The following ASB5 variants were observed in gnomAD, a reference collection of about 807,000 sequenced individuals.
ASB5 encodes ankyrin repeat and SOCS box protein 5.
A neutral mutation model predicts 42.1 loss-of-function variants in ASB5; 45 were observed. The ratio of observed to expected loss-of-function variants is 1.07; its 90% CI spans 0.84 to 1.37. The LOEUF (loss-of-function observed/expected upper bound fraction) is 1.37. Among genes scored for constraint, ASB5 ranks in the 40% most tolerant of loss-of-function variants. The pLI is 0.00. For missense variants in ASB5, 402 were observed against 399.8 expected, an observed-to-expected ratio of 1.01 and a Z score of -0.05; for synonymous variants, 147 against 150.6, an observed-to-expected ratio of 0.98 and a Z score of 0.18.
chr4:176,223,352 CATT>C (rs1262239606), intron 2 of ASB5, among the ~76,000 whole-genome samples: 2 of 152,146 alleles, frequency 1.3e-5, no homozygotes, highest in African/African-American at 4.8e-5. Flanking sequence ...AAGCAATTAT[CATT>C]ATAATGCCCA....
Position 176,241,563 on chromosome 4 carries a change from C to T in ASB5, c.197-16222G>A, listed in dbSNP as rs189539008. On this transcript the variant is annotated intron_variant, in intron 1 of 6. Transcript: ENST00000296525. ...CTTTGGGTTTCTTTACAAGGCCGTGCCCTCATACAACCTTTAGGAGTCATA... is the reference window on the plus strand; with the variant it reads ...CTTTGGGTTTCTTTACAAGGCCGTGTCCTCATACAACCTTTAGGAGTCATA... 463 of 1,517,036 alleles carry T rather than the reference C, an allele frequency of 3.1e-4. 1 individual carries two copies. The Middle Eastern group carries it at 3.7e-3, about 12-fold the overall frequency. 94.0% of individuals were successfully genotyped at this position (1,517,036 alleles called of 1,614,324 possible).
intron 1 of ASB5, among the ~76,000 whole-genome samples, 173 bp from the exon 2 acceptor site, chr4:176,225,514 C>A (rs1753352143): frequency 6.6e-6 from 1 of 152,142 alleles, no homozygotes; most frequent in South Asian, 2.1e-4. Context: ...TTGCAGGAAC[C>A]AGATAGGCAG....
At chr4:176,255,735 G>A (rs769535947) in intron 1 of ASB5, among the ~76,000 whole-genome samples, 3 of 152,166 alleles carry the variant, frequency 2.0e-5, no homozygotes, top group African/African-American at 4.8e-5. Context: ...GTGGGTACGG[G>A]TTGAAAAACT....
At chr4:176,217,125 C>G (rs1752993514) in intron 5 of ASB5, 116 bp from the exon 6 acceptor site, 1 of 795,634 alleles carries the variant, frequency 1.3e-6, no homozygotes, top group Non-Finnish European at 2.0e-6. Flanking sequence ...GGGACTTCAA[C>G]TCTATTTGTT....
chr4:176,255,716 G>A lies in ASB5; in HGVS notation c.196+13197C>T, dbSNP rs115998365. ...GACACAGGGGACTACTAGAGAGGGA[G>A]GCAGAGATGTGGGTACGGGTTGAAA... On this transcript the variant is annotated intron_variant, in intron 1 of 6. Coordinates refer to ENST00000296525, the MANE Select transcript of ASB5 (RefSeq NM_080874.4). Among the ~76,000 whole-genome samples, 596 of 152,284 alleles carry A rather than the reference G, an allele frequency of 3.9e-3. 6 individuals are homozygous for A. Among genetic ancestry groups the A allele is most frequent in the African/African-American group, 0.014 (573 of 41,554 alleles).
intron 1 of ASB5, among the ~76,000 whole-genome samples, chr4:176,226,859 G>C (rs1002869959): frequency 2.6e-5 from 4 of 152,208 alleles, no homozygotes; most frequent in Non-Finnish European, 5.9e-5. Flanking sequence ...TTGCCATGGA[G>C]GGCAAGTAGC....
At chr4:176,265,194 T>C (rs909780507) in intron 1 of ASB5, among the ~76,000 whole-genome samples, 2 of 152,110 alleles carry the variant, frequency 1.3e-5, no homozygotes, top group East Asian at 3.9e-4. Context: ...GCCCAACTTA[T>C]TGTTACTTTT....
chr4:176,256,190 G>A (rs1463390048), intron 1 of ASB5, among the ~76,000 whole-genome samples: 2 of 152,146 alleles, frequency 1.3e-5, no homozygotes, highest in African/African-American at 4.8e-5. Context: ...TCTGACTTGA[G>A]GCTGAGATTC....
chr4:176,221,624 A>AAC, intron 3 of ASB5, 24 bp from the exon 4 acceptor site: 1 of 1,569,210 alleles, frequency 6.4e-7, no homozygotes, highest in Non-Finnish European at 8.7e-7. Context: ...AAATATCCAA[A>AAC]CATAAGATTC....
chr4:176,255,465 G>A (rs1047598168), intron 1 of ASB5, among the ~76,000 whole-genome samples: 3 of 152,158 alleles, frequency 2.0e-5, no homozygotes, highest in African/African-American at 7.2e-5. Flanking sequence ...CAACCTAGAT[G>A]CTCATCAACA....
Position 176,225,204 on chromosome 4 carries a change from G to T in ASB5, c.276+58C>A. 5 of 1,393,166 alleles carry T rather than the reference G, an allele frequency of 3.6e-6. No individual in the cohort carries two copies. In the South Asian group the frequency reaches 3.6e-5, roughly 10 times the overall value. 86.3% of individuals were successfully genotyped at this position (1,393,166 alleles called of 1,614,324 possible). ...TATCATATTTGCATTGATTGGTTTT[G>T]ACCATGTTCTGTGCACATGGAAAGG... On this transcript the variant is annotated intron_variant, in intron 2 of 6. Coordinates refer to ENST00000296525, the MANE Select transcript of ASB5 (RefSeq NM_080874.4).
At chr4:176,244,103 T>C (rs536140226) in intron 1 of ASB5, among the ~76,000 whole-genome samples, 50 of 152,338 alleles carry the variant, frequency 3.3e-4, no homozygotes, top group Non-Finnish European at 6.2e-4. Context: ...TCTATGTTTC[T>C]TTGCTCACTT....
chr4:176,268,196 C>G (rs1754394790), intron 1 of ASB5, among the ~76,000 whole-genome samples: 2 of 152,136 alleles, frequency 1.3e-5, no homozygotes, highest in South Asian at 4.1e-4. Flanking sequence ...AATGGTTTTA[C>G]AACCTTCTGA....
intron 1 of ASB5, among the ~76,000 whole-genome samples, chr4:176,247,798 G>C (rs1753941227): frequency 6.6e-6 from 1 of 152,128 alleles, no homozygotes; most frequent in African/African-American, 2.4e-5. Flanking sequence ...TTGTAAATTT[G>C]ACTATTTTTA....
At chr4:176,233,965 T>G (rs1753617783) in intron 1 of ASB5, among the ~76,000 whole-genome samples, 1 of 152,162 alleles carries the variant, frequency 6.6e-6, no homozygotes, top group African/African-American at 2.4e-5. Flanking sequence ...ATCCTTAGTT[T>G]CTGTTTCTCA....
Position 176,215,636 on chromosome 4 carries a change from C to T in ASB5, c.954G>A (p.Leu318=). 1 of 1,612,654 alleles carries T rather than the reference C, an allele frequency of 6.2e-7. No homozygotes were observed. The highest frequency in any genetic ancestry group is 8.5e-7 in the Non-Finnish European group (1 of 1,179,192). ...PRLHLIPQLQ[L]PTLLKNFLQY... is the part of the protein sequence containing the mutation. The stretch of plus-strand genomic sequence containing the variant: ...GTAAGAAATTCTTCAGTAACGTTGG[C>T]AGCTGGAGTTGTGGGATAAGGTGCA... Residue 318 remains leucine (L), a synonymous_variant, in exon 7 of 7, where the codon CTG becomes CTA. Transcript: ENST00000296525.
intron 1 of ASB5, among the ~76,000 whole-genome samples, chr4:176,267,444 T>G (rs1560822865): frequency 6.6e-6 from 1 of 152,038 alleles, no homozygotes; most frequent in Non-Finnish European, 1.5e-5. Flanking sequence ...AGGCGGACAA[T>G]GTTGAGACTC....
At chr4:176,269,478 A>G (rs1363520768), upstream of ASB5, among the ~76,000 whole-genome samples, 1 of 152,150 alleles carries the variant, frequency 6.6e-6, no homozygotes, top group African/African-American at 2.4e-5. Context: ...TGGGGTTCCC[A>G]TTGTTAATGT....
upstream of ASB5, among the ~76,000 whole-genome samples, chr4:176,270,935 C>T (rs1386111000): frequency 6.6e-6 from 1 of 152,140 alleles, no homozygotes. Flanking sequence ...TCTAAGTGCC[C>T]ATCTAAGGTT....
Sources: allele counts gnomAD v4.1 joint callset (sites outside exome capture counted in the v4.1 genomes callset), GRCh38; gene constraint gnomAD v4.1.1; transcripts MANE v1.5; gene names NCBI Gene and HGNC (gene_info 2026-07-23, HGNC 2026-07-21).